The following FAM78B variants were observed in gnomAD, a reference collection of about 807,000 sequenced individuals.
The protein encoded by FAM78B is protein FAM78B.
FAM78B carries 10 observed loss-of-function variants against 20.0 expected under a neutral mutation model. That is an observed-to-expected ratio of 0.50 (90% CI 0.31 to 0.85). The LOEUF is 0.85. FAM78B is among the 40% of genes least tolerant of loss of function. The pLI is 0.05. For missense variants in FAM78B, 283 were observed against 345.0 expected (o/e 0.82, Z 1.42); for synonymous variants, 135 against 132.8 (o/e 1.02, Z -0.12).
At chr1:166,122,544 A>G (rs770239426) in intron 1 of FAM78B, among the ~76,000 whole-genome samples, 4 of 152,230 alleles carry the variant, frequency 2.6e-5, no homozygotes, top group Non-Finnish European at 4.4e-5. Context: ...CTCAGAATAG[A>G]GATTTGCTAC....
chr1:166,111,139 T>A (rs1654036453), intron 1 of FAM78B, among the ~76,000 whole-genome samples: 1 of 152,152 alleles, frequency 6.6e-6, no homozygotes, highest in Admixed American at 6.5e-5. Flanking sequence ...AACACTAGCA[T>A]AGACTTGGCC....
chr1:166,121,252 T>C (rs1032277152), intron 1 of FAM78B, among the ~76,000 whole-genome samples: 1 of 152,142 alleles, frequency 6.6e-6, no homozygotes. Flanking sequence ...TCCTGGGGAC[T>C]TCAGCATCCC....
chr1:166,100,404 C>T (rs908624805), intron 1 of FAM78B, among the ~76,000 whole-genome samples: 1 of 152,200 alleles, frequency 6.6e-6, no homozygotes, highest in African/African-American at 2.4e-5. Context: ...CATTGCCTCA[C>T]CCAGGAAGTG....
chr1:166,143,819 C>T (rs994117833), intron 1 of FAM78B, among the ~76,000 whole-genome samples: 1 of 152,140 alleles, frequency 6.6e-6, no homozygotes, highest in Non-Finnish European at 1.5e-5. Flanking sequence ...ACATTGAGCC[C>T]TTAACCACGT....
At chr1:166,068,263 A>T (rs1222225395), downstream of FAM78B, among the ~76,000 whole-genome samples, 1 of 152,222 alleles carries the variant, frequency 6.6e-6, no homozygotes, top group Non-Finnish European at 1.5e-5. Context: ...TTTGTACTTT[A>T]GCCATGGAGC....
At chr1:166,118,271 C>A (rs1026774083) in intron 1 of FAM78B, among the ~76,000 whole-genome samples, 1 of 152,082 alleles carries the variant, frequency 6.6e-6, no homozygotes, top group Non-Finnish European at 1.5e-5. Flanking sequence ...TGTCGAGGAG[C>A]TTTCAGCATG....
chr1:166,124,056 C>A (rs1353159954), intron 1 of FAM78B, among the ~76,000 whole-genome samples: 1 of 152,168 alleles, frequency 6.6e-6, no homozygotes, highest in Non-Finnish European at 1.5e-5. Flanking sequence ...TCTGACCCTG[C>A]TTTGGCCTCA....
At chr1:166,156,117 G>C (rs191550870) in intron 1 of FAM78B, among the ~76,000 whole-genome samples, 34 of 152,370 alleles carry the variant, frequency 2.2e-4, no homozygotes, top group Non-Finnish European at 4.3e-4. Flanking sequence ...AGCTCTGAAA[G>C]GTCAGGCCCC....
chr1:166,095,843 C>A (rs1653256146), intron 1 of FAM78B, among the ~76,000 whole-genome samples: 1 of 152,104 alleles, frequency 6.6e-6, no homozygotes, highest in African/African-American at 2.4e-5. Context: ...GGGCAACACT[C>A]CAGTGGCACA....
At chr1:166,165,932 A>C in intron 1 of FAM78B, 54 bp downstream of exon 1, 2 of 1,609,790 alleles carry the variant, frequency 1.2e-6, no homozygotes, top group Non-Finnish European at 1.7e-6. Context: ...TCAAGGTGGC[A>C]AGCAGAGCTG....
intron 1 of FAM78B, among the ~76,000 whole-genome samples, chr1:166,147,462 T>C (rs1655504383): frequency 6.6e-6 from 1 of 152,214 alleles, no homozygotes; most frequent in Admixed American, 6.5e-5. Context: ...TTTAGAGAAC[T>C]GGCACAAGTC....
At chr1:166,110,830 G>A (rs1038143900) in intron 1 of FAM78B, among the ~76,000 whole-genome samples, 3 of 152,150 alleles carry the variant, frequency 2.0e-5, no homozygotes, top group Non-Finnish European at 4.4e-5. Flanking sequence ...GGTATAATGA[G>A]ATAAAAAGGT....
chr1:166,130,328 T>C (rs965115050), intron 1 of FAM78B, among the ~76,000 whole-genome samples: 5 of 152,254 alleles, frequency 3.3e-5, no homozygotes, highest in African/African-American at 1.2e-4. Flanking sequence ...CTGTTTCTTC[T>C]TTCTGCTTCT....
intron 1 of FAM78B, among the ~76,000 whole-genome samples, chr1:166,118,867 C>T (rs931223309): frequency 2.6e-5 from 4 of 152,182 alleles, no homozygotes; most frequent in Admixed American, 6.5e-5. Flanking sequence ...CTTCTGCTCC[C>T]AATGTCCCAT....
intron 1 of FAM78B, among the ~76,000 whole-genome samples, chr1:166,071,545 T>C (rs1652032637): frequency 6.6e-6 from 1 of 152,240 alleles, no homozygotes; most frequent in African/African-American, 2.4e-5. Context: ...GAGGAACCAA[T>C]GTCTCTACCC....
chr1:166,144,716 T>C (rs2101792428), intron 1 of FAM78B, among the ~76,000 whole-genome samples: 1 of 152,180 alleles, frequency 6.6e-6, no homozygotes, highest in South Asian at 2.1e-4. Context: ...CAACAAGGTG[T>C]AAACTAACTT....
chr1:166,067,749 G>A (rs10918333), downstream of FAM78B, among the ~76,000 whole-genome samples: 30,770 of 152,148 alleles, frequency 0.2, 3,900 homozygotes, highest in Middle Eastern at 0.3. Flanking sequence ...ACACCCAACT[G>A]TAGAGTTCAC....
intron 1 of FAM78B, among the ~76,000 whole-genome samples, chr1:166,097,052 C>A (rs1653309354): frequency 1.3e-5 from 2 of 152,204 alleles, no homozygotes; most frequent in African/African-American, 4.8e-5. Flanking sequence ...AGTGCCCCAA[C>A]TGCAGAAGCA....
intron 1 of FAM78B, among the ~76,000 whole-genome samples, chr1:166,153,369 A>G (rs1299823560): frequency 6.6e-6 from 1 of 152,216 alleles, no homozygotes; most frequent in Non-Finnish European, 1.5e-5. Flanking sequence ...AGACAAGCAG[A>G]GGGTCAGAAA....
Sources: gnomAD v4.1 joint callset for allele counts (sites outside exome capture counted in the v4.1 genomes callset) on GRCh38, gnomAD v4.1.1 for gene constraint, MANE v1.5 for transcripts, NCBI Gene and HGNC (gene_info 2026-07-23, HGNC 2026-07-21) for gene names.